Variants in MTERF4 observed in about 807,000 individuals in gnomAD.
MTERF4 encodes the protein transcription termination factor 4, mitochondrial.
Under a neutral mutation model 22.5 loss-of-function variants are expected in MTERF4, and 17 were observed. The ratio of observed to expected loss-of-function variants is 0.75; its 90% CI spans 0.52 to 1.13. The LOEUF is 1.13. Among genes scored for constraint, MTERF4 ranks in the 50% most tolerant of loss-of-function variants. The probability of loss-of-function intolerance (pLI) is 0.00; values close to 1 mark genes in which losing one functional copy is unlikely to be tolerated. For missense variants in MTERF4, 420 were observed against 466.8 expected (o/e 0.90, Z 0.92); for synonymous variants, 165 against 175.3 (o/e 0.94, Z 0.47).
chr2:241,063,574 C>T, the MTERF4 span: 14 of 1,579,812 alleles, frequency 8.9e-6, no homozygotes, highest in Middle Eastern at 3.3e-4. Context: ...CTTGACACCC[C>T]TTCTCTGTGC....
At chr2:241,052,257 C>A in the MTERF4 span, 1 of 1,433,880 alleles carries the variant, frequency 7.0e-7, no homozygotes, top group Non-Finnish European at 9.7e-7. Context: ...GCCCTGGAGG[C>A]GCAGGAGGTG....
At chr2:241,068,590 G>A (rs1450466486), downstream of MTERF4, among the ~76,000 whole-genome samples, 1 of 152,036 alleles carries the variant, frequency 6.6e-6, no homozygotes, top group Non-Finnish European at 1.5e-5. This position sits in a 1 kb window ranked among gnomAD's most constrained non-coding sequence, Gnocchi z 5.3. Flanking sequence ...TGTGCTGAGG[G>A]CCCGTCCCCC....
the MTERF4 span, among the ~76,000 whole-genome samples, chr2:241,057,380 A>AATAAATATATATATATAT: frequency 8.5e-6 from 1 of 118,114 alleles, no homozygotes; most frequent in East Asian, 2.9e-4. Flanking sequence ...TCCATCTCAA[A>AATAAATATATATATATAT]ATATATATAT....
At chr2:241,072,455 G>T (rs577752936) in exon 5 of MTERF4, 2 of 355,126 alleles carry the variant, frequency 5.6e-6, no homozygotes, top group East Asian at 1.5e-4. Context: ...GCGCGACCCT[G>T]CCCCAGAGGG....
At chr2:241,058,340 A>G in the MTERF4 span, among the ~76,000 whole-genome samples, 1 of 152,178 alleles carries the variant, frequency 6.6e-6, no homozygotes, top group Non-Finnish European at 1.5e-5. Context: ...AAAAGAAGAA[A>G]ATTTCAAACT....
the MTERF4 span, among the ~76,000 whole-genome samples, chr2:241,057,904 T>C: frequency 6.6e-6 from 1 of 152,132 alleles, no homozygotes. Context: ...ATGGTAAGAC[T>C]TGTCACTATC....
chr2:241,057,506 G>A, the MTERF4 span, among the ~76,000 whole-genome samples: 1 of 150,066 alleles, frequency 6.7e-6, no homozygotes, highest in Admixed American at 6.7e-5. Flanking sequence ...CACATAGCAA[G>A]ACCCCAACTC....
chr2:241,081,321 G>A lies in MTERF4; in HGVS notation n.480-5639C>T, dbSNP rs528202098. ...CCGTGTTCAGGGGCAAAGCCAGCAA[G>A]GGTCGGGGTGGGGAGGGGCCACAGG... is the stretch of plus-strand genomic sequence containing the variant. On this transcript the variant is annotated intron_variant and non_coding_transcript_variant, in intron 4 of 4. Coordinates refer to the MTERF4 transcript ENST00000464344. Among the ~76,000 whole-genome samples the A allele has an allele frequency of 7.0e-4, 107 of 152,330 alleles. 1 individual carries two copies. The highest frequency in any genetic ancestry group is 2.5e-3 in the African/African-American group (104 of 41,574).
the MTERF4 span, among the ~76,000 whole-genome samples, chr2:241,063,190 C>T: frequency 0.029 from 4,356 of 152,252 alleles, 132 homozygotes; most frequent in East Asian, 0.12. Context: ...GACACCTGGT[C>T]GGTGCTTCCA....
exon 5 of MTERF4, chr2:241,072,959 A>G: frequency 2.4e-6 from 1 of 420,338 alleles, no homozygotes; most frequent in Non-Finnish European, 4.2e-6. Context: ...CCTAAGAAGA[A>G]AGCAACCGCA....
Position 241,075,486 on chromosome 2 carries a change from T to C in MTERF4, n.676A>G, listed in dbSNP as rs920220283. On this transcript the variant is annotated non_coding_transcript_exon_variant, in exon 5 of 5. Transcript: ENST00000464344. This position sits in a 1 kb window ranked among gnomAD's most constrained non-coding sequence, Gnocchi z 4.8. ...ACTGATGTGACTGCGCCTCTCCTCATGGGCATCCACCAAAGGTGTTTGCTT... is the reference window on the plus strand; with the variant it reads ...ACTGATGTGACTGCGCCTCTCCTCACGGGCATCCACCAAAGGTGTTTGCTT... The C allele has an allele frequency of 5.9e-5, 9 of 152,216 alleles. No homozygotes were observed. The highest frequency in any genetic ancestry group is 5.2e-4 in the Admixed American group (8 of 15,284). The allele number at this position is 152,216 out of a possible 1,614,324, so 9.4% of individuals were successfully genotyped here. A position where few individuals can be genotyped will look rare whatever the true frequency, so the allele number is the denominator to read the frequency against.
chr2:241,053,877 C>T, the MTERF4 span, among the ~76,000 whole-genome samples: 1 of 152,356 alleles, frequency 6.6e-6, no homozygotes, highest in South Asian at 2.1e-4. Context: ...TAACACCCTG[C>T]AGGTGCATCG....
chr2:241,048,904 A>C, the MTERF4 span: 1 of 1,192,876 alleles, frequency 8.4e-7, no homozygotes, highest in East Asian at 2.6e-5. Context: ...GACTGGCCAC[A>C]AGAGTGCCTG....
At chr2:241,081,518 C>T (rs985768056) in intron 4 of MTERF4, among the ~76,000 whole-genome samples, 4 of 152,226 alleles carry the variant, frequency 2.6e-5, no homozygotes, top group Non-Finnish European at 5.9e-5. Context: ...TGGGACCACG[C>T]TCTAGGGCCC....
At chr2:241,070,745 G>T (rs1300611248), downstream of MTERF4, among the ~76,000 whole-genome samples, 1 of 152,206 alleles carries the variant, frequency 6.6e-6, no homozygotes, top group African/African-American at 2.4e-5. Flanking sequence ...CTCCACCAGG[G>T]TCCCGAACGC....
At chr2:241,098,661 T>G (rs2064563038) in intron 2 of MTERF4, among the ~76,000 whole-genome samples, 1 of 152,232 alleles carries the variant, frequency 6.6e-6, no homozygotes, top group Admixed American at 6.5e-5. Flanking sequence ...GACTAGAATC[T>G]AAGTCTTTAC....
At chr2:241,078,072 A>G (rs1401993790) in intron 4 of MTERF4, among the ~76,000 whole-genome samples, 1 of 152,306 alleles carries the variant, frequency 6.6e-6, no homozygotes, top group South Asian at 2.1e-4. Context: ...AGAAACCACC[A>G]AAGTGTCAAT....
intron 4 of MTERF4, among the ~76,000 whole-genome samples, chr2:241,078,927 A>G (rs1349711086): frequency 6.6e-6 from 1 of 151,018 alleles, no homozygotes; most frequent in East Asian, 2.0e-4. Flanking sequence ...CAGCCTGGCC[A>G]ACATAGGGAA....
At chr2:241,048,503 C>CCTGTGG in the MTERF4 span, 1 of 1,540,358 alleles carries the variant, frequency 6.5e-7, no homozygotes, top group Non-Finnish European at 8.8e-7. Context: ...GGAGGGCCTT[C>CCTGTGG]CTGTGGGTGC....
Sources: gnomAD v4.1 joint callset for allele counts (sites outside exome capture counted in the v4.1 genomes callset) on GRCh38, gnomAD v4.1.1 for gene constraint, Gnocchi (gnomAD v3.1) non-coding constraint, MANE v1.5 for transcripts, NCBI Gene and HGNC (gene_info 2026-07-23, HGNC 2026-07-21) for gene names.